Variants in DHX29 observed in about 807,000 individuals in gnomAD.
DHX29 encodes the protein DExH-box helicase 29.
In DHX29, 79 loss-of-function variants were observed where a neutral mutation model predicts 167.9. The observed-to-expected ratio is 0.47, with a 90% CI of 0.39 to 0.57. The LOEUF (loss-of-function observed/expected upper bound fraction) is 0.57, where lower values mean the gene tolerates loss of function less well. DHX29 is among the 20% of genes least tolerant of loss of function. DHX29 has a pLI of 0.00. For synonymous variants in DHX29, 530 were observed against 546.0 expected (o/e 0.97, Z 0.41); for missense variants, 1,347 against 1,593.4 (o/e 0.85, Z 2.63).
At chr5:55,275,035 G>A (rs1747039309) in intron 14 of DHX29, 25 bp from the exon 15 acceptor site, 3 of 1,600,084 alleles carry the variant, frequency 1.9e-6, no homozygotes, top group Admixed American at 1.8e-5. Context: ...ACCAGAGGGA[G>A]GTGAATAAAA....
chr5:55,281,269 T>C (rs1747397052), intron 12 of DHX29, 103 bp downstream of exon 12: 1 of 982,044 alleles, frequency 1.0e-6, no homozygotes, highest in Admixed American at 4.0e-5. Flanking sequence ...AGGTATATAA[T>C]AATTTAGTAA....
At position 55,294,008 on chromosome 5, in the gene DHX29, T is replaced by C. The variant is rs1424962848; in HGVS notation, c.780+9A>G. On this transcript the variant is annotated intron_variant, in intron 6 of 26. Transcript: ENST00000251636. The stretch of plus-strand genomic sequence containing the variant: ...TCCAGTTAGAAGCCTAACACAAATT[T>C]CTACTCACAGGGTCAAATTTTTCCT... 6 of 1,602,548 alleles carry C rather than the reference T, an allele frequency of 3.7e-6. No individual in the cohort carries two copies. The East Asian group carries it at 1.3e-4, about 36-fold the overall frequency.
chr5:55,261,459 A>G lies in DHX29; in HGVS notation c.3869T>C (p.Ile1290Thr). The G allele has an allele frequency of 6.4e-7, 1 of 1,574,262 alleles. No homozygotes were observed. Among genetic ancestry groups the G allele is most frequent in the Non-Finnish European group, 8.7e-7 (1 of 1,144,264 alleles). The change falls in exon 25 of 27, where the codon ATA becomes ACA. Residue 1290 changes from isoleucine to threonine, a missense_variant. Coordinates refer to ENST00000251636, the MANE Select transcript of DHX29 (RefSeq NM_019030.4). ...ARVYLRETTL[I>T]TPFPVLLFGG... ...AAAAAGTAAAACTGGAAAAGGGGTT[A>G]TTAGGGTAGTTTCTCTCAAATACAC...
Position 55,295,457 on chromosome 5 carries a change from C to A in DHX29, c.573G>T (p.Gln191His), listed in dbSNP as rs767088089. 6.2e-7 allele frequency: 1 copy of A among 1,613,862 alleles called. No individual in the cohort carries two copies. Among genetic ancestry groups the A allele is most frequent in the Non-Finnish European group, 8.5e-7 (1 of 1,179,852 alleles). ...EQQPKSRPKFQSPQIQATISP... is the reference protein window; with the variant it reads ...EQQPKSRPKFHSPQIQATISP... ...AAATAGTGGCTTGTATTTGAGGAGA[C>A]TGAAATTTAGGCCTACTTTTAGGTT... Residue 191 changes from glutamine to histidine, a missense_variant, in exon 5 of 27, where the codon CAG becomes CAT. Gln to His is a conservative substitution (Grantham distance 24). Around this residue, in one of 3 missense-constraint regions of DHX29, gnomAD observed 405 missense variants for 416.8 expected, o/e 0.97. Transcript: ENST00000251636.
At chr5:55,267,275 T>G in intron 22 of DHX29, 44 bp from the exon 23 acceptor site, 1 of 1,454,246 alleles carries the variant, frequency 6.9e-7, no homozygotes, top group Non-Finnish European at 9.6e-7. Flanking sequence ...TTCACCATGT[T>G]CTCTTTCCAA....
intron 3 of DHX29, 26 bp from the exon 4 acceptor site, chr5:55,296,375 T>C: frequency 6.3e-7 from 1 of 1,595,980 alleles, no homozygotes; most frequent in Non-Finnish European, 8.5e-7. Flanking sequence ...ATAAAAAAAG[T>C]CACATTTGTC....
intron 21 of DHX29, 42 bp downstream of exon 21, chr5:55,269,371 A>G (rs954515271): frequency 6.3e-7 from 1 of 1,585,252 alleles, no homozygotes; most frequent in African/African-American, 1.3e-5. Flanking sequence ...TCCTGGTCAA[A>G]GGATATTTAA....
rs755172525 is a variant in DHX29 at position 55,273,396 on chromosome 5, G to A, written c.2691-19C>T. On this transcript the variant is annotated intron_variant, in intron 16 of 26. Transcript: ENST00000251636. ...TTTATATCTGAAAGTTAAAATCATAGTTCTTAGCAAGAGTTTCTCTTTAGA... is the reference window on the plus strand; with the variant it reads ...TTTATATCTGAAAGTTAAAATCATAATTCTTAGCAAGAGTTTCTCTTTAGA... 2.0e-6 allele frequency: 3 copies of A among 1,534,446 alleles called. No homozygotes were observed. The highest frequency in any genetic ancestry group is 2.7e-6 in the Non-Finnish European group (3 of 1,131,444).
chr5:55,275,261 T>C (rs779541280), intron 14 of DHX29, among the ~76,000 whole-genome samples: 1 of 152,176 alleles, frequency 6.6e-6, no homozygotes, highest in African/African-American at 2.4e-5. Context: ...TCTTGGCATA[T>C]ACATACTAAA....
At chr5:55,288,851 G>A (rs1389569188) in intron 8 of DHX29, among the ~76,000 whole-genome samples, 1 of 152,160 alleles carries the variant, frequency 6.6e-6, no homozygotes, top group African/African-American at 2.4e-5. Flanking sequence ...CAAGAGTAAG[G>A]TGGCTGGAGT....
Position 55,283,659 on chromosome 5 carries a change from T to C in DHX29, c.1509A>G (p.Gln503=). 1 of 1,614,140 alleles carries C rather than the reference T, an allele frequency of 6.2e-7. No homozygotes were observed. Among genetic ancestry groups the C allele is most frequent in the African/African-American group, 1.3e-5 (1 of 75,048 alleles). ...TTTCAGAATGCTGTTGTTGCTGCTG[T>C]TGCTGCTGTTTCAGTTTATTCAGAA... ...AKLLNKLKQQ[Q]QQQQQHSENK... Residue 503 remains glutamine, a synonymous_variant, in exon 11 of 27, where the codon CAA becomes CAG. Transcript: ENST00000251636.
chr5:55,284,867 C>G (rs1747633555), intron 10 of DHX29, among the ~76,000 whole-genome samples: 1 of 151,920 alleles, frequency 6.6e-6, no homozygotes, highest in Non-Finnish European at 1.5e-5. Context: ...TGTCTCTATA[C>G]AACTTTTTTA....
At chr5:55,279,782 G>A (rs1747308923) in intron 12 of DHX29, 2 of 151,330 alleles carry the variant, frequency 1.3e-5, no homozygotes, top group Non-Finnish European at 2.9e-5. Context: ...TATTGTCCAG[G>A]CTGGTCTCAA....
intron 8 of DHX29, among the ~76,000 whole-genome samples, chr5:55,287,131 AT>A (rs1414042781): frequency 8.5e-5 from 13 of 152,298 alleles, no homozygotes; most frequent in African/African-American, 3.1e-4. Context: ...TATTTTGTTC[AT>A]TACTGAACAC....
chr5:55,296,205 AATG>A lies in DHX29; in HGVS notation c.505+12_505+14del. 6.3e-7 allele frequency: 1 copy of A among 1,595,746 alleles called. No individual in the cohort carries two copies. Among genetic ancestry groups the A allele is most frequent in the Non-Finnish European group, 8.5e-7 (1 of 1,173,120 alleles). On this transcript the variant is annotated intron_variant, in intron 4 of 26. Coordinates refer to ENST00000251636, the MANE Select transcript of DHX29 (RefSeq NM_019030.4). ...AAAGGTTTAGAAACTGAAAGAATTTAATGATATTGTTTACCATCTGAAAGGTTT... is the reference window on the plus strand; with the variant it reads ...AAAGGTTTAGAAACTGAAAGAATTTAATATTGTTTACCATCTGAAAGGTTT...
chr5:55,285,566 A>G (rs1232188423), intron 9 of DHX29, 130 bp downstream of exon 9: 1 of 1,240,998 alleles, frequency 8.1e-7, no homozygotes, highest in Non-Finnish European at 1.1e-6. Flanking sequence ...CTATCAGACA[A>G]TAAACCTGAG....
intron 12 of DHX29, among the ~76,000 whole-genome samples, chr5:55,278,168 AG>A (rs1443931081): frequency 3.3e-5 from 5 of 152,198 alleles, no homozygotes; most frequent in Non-Finnish European, 7.3e-5. Flanking sequence ...TCAGAACTTT[AG>A]TATCTGTGGA....
At chr5:55,288,971 CATTA>C (rs1192132995) in intron 8 of DHX29, among the ~76,000 whole-genome samples, 2 of 152,088 alleles carry the variant, frequency 1.3e-5, no homozygotes, top group Non-Finnish European at 1.5e-5. Context: ...GGCTCACAGC[CATTA>C]AAGGTGGCAG....
chr5:55,259,115 G>A (rs1280001739), intron 26 of DHX29, among the ~76,000 whole-genome samples: 1 of 152,048 alleles, frequency 6.6e-6, no homozygotes, highest in Non-Finnish European at 1.5e-5. Flanking sequence ...TGGGTAGCTA[G>A]GACTACAGGC....
Sources: allele counts gnomAD v4.1 joint callset (sites outside exome capture counted in the v4.1 genomes callset), GRCh38; gene constraint gnomAD v4.1.1; regional missense constraint gnomAD v4.1.1; transcripts MANE v1.5; gene names NCBI Gene and HGNC (gene_info 2026-07-23, HGNC 2026-07-21).